Variants in EFCAB7 observed in about 807,000 individuals in gnomAD.
The protein encoded by EFCAB7 is EF-hand calcium binding domain 7.
Under a neutral mutation model 77.1 loss-of-function variants are expected in EFCAB7, and 66 were observed. The ratio of observed to expected loss-of-function variants is 0.86; its 90% confidence interval spans 0.70 to 1.05. EFCAB7 has a LOEUF of 1.05. Ranked by LOEUF, EFCAB7 falls within the 50% of genes least tolerant of loss-of-function variation. The pLI, the probability that EFCAB7 is intolerant of heterozygous loss-of-function variation, is 0.00. For missense variants in EFCAB7, 638 were observed against 730.5 expected (o/e 0.87, Z 1.46); for synonymous variants, 225 against 243.3 (o/e 0.92, Z 0.70).
chr1:63,583,181 GCAC>G, the EFCAB7 span, among the ~76,000 whole-genome samples: 1 of 152,152 alleles, frequency 6.6e-6, no homozygotes, highest in Non-Finnish European at 1.5e-5. Flanking sequence ...AGGGAAGCAA[GCAC>G]CAGGATTTAA....
At chr1:63,537,620 G>A (rs1057363315) in intron 6 of EFCAB7, among the ~76,000 whole-genome samples, 6 of 152,138 alleles carry the variant, frequency 3.9e-5, no homozygotes, top group African/African-American at 1.2e-4. Context: ...CTGTCAATTA[G>A]ATTTCAGGCC....
chr1:63,553,022 A>T (rs578219073), intron 8 of EFCAB7, among the ~76,000 whole-genome samples: 2 of 152,222 alleles, frequency 1.3e-5, no homozygotes, highest in Non-Finnish European at 2.9e-5. Context: ...CAAAATTATA[A>T]TAGAGTTTGC....
Position 63,564,420 on chromosome 1 carries a change from T to C in EFCAB7, c.1497+2563T>C, listed in dbSNP as rs1405157131. Among the ~76,000 whole-genome samples, 3 of 151,678 alleles carry C rather than the reference T, an allele frequency of 2.0e-5. No homozygotes were observed. In the East Asian group the frequency reaches 5.8e-4, roughly 29 times the overall value. ...TAGTATTCCTATACACCAACAATAG[T>C]CAAGTCAAGAGCCAATTCACGAAAG... On this transcript the variant is annotated intron_variant, in intron 11 of 13. Coordinates refer to ENST00000371088, the MANE Select transcript of EFCAB7 (RefSeq NM_032437.4).
chr1:63,551,702 TG>T, intron 7 of EFCAB7, 22 bp from the exon 8 acceptor site: 1 of 1,343,876 alleles, frequency 7.4e-7, no homozygotes. Context: ...TTAAGGTGTT[TG>T]GGCTTTTTTT....
chr1:63,538,347 C>A (rs1412059395), intron 6 of EFCAB7, among the ~76,000 whole-genome samples: 1 of 152,110 alleles, frequency 6.6e-6, no homozygotes, highest in East Asian at 1.9e-4. Flanking sequence ...ATGAGCCAGC[C>A]AATTTGTCAG....
rs1646847181 is a variant in EFCAB7 at position 63,542,898 on chromosome 1, TTTCATGAA to T, written c.805-3015_805-3008del. Among the ~76,000 whole-genome samples, 27 of 152,332 alleles carry T rather than the reference TTTCATGAA, an allele frequency of 1.8e-4. 1 individual carries two copies. In the South Asian group the frequency reaches 5.6e-3, roughly 32 times the overall value. On this transcript the variant is annotated intron_variant, in intron 6 of 13. Coordinates refer to ENST00000371088, the MANE Select transcript of EFCAB7 (RefSeq NM_032437.4). ...TGTGATTTGCAAATAATTTCTCCCATTTCATGAATTGCCTTTTCATTCTGTTGGTAGTG... is the reference window on the plus strand; with the variant it reads ...TGTGATTTGCAAATAATTTCTCCCATTTGCCTTTTCATTCTGTTGGTAGTG...
the EFCAB7 span, among the ~76,000 whole-genome samples, chr1:63,579,320 T>C: frequency 6.6e-6 from 1 of 152,258 alleles, no homozygotes; most frequent in Admixed American, 6.5e-5. Context: ...AATCATGCAG[T>C]ATGTAACCTT....
chr1:63,568,491 C>T lies in EFCAB7; in HGVS notation c.1679C>T (p.Thr560Ile), dbSNP rs1024458014. The T allele has an allele frequency of 7.5e-6, 12 of 1,598,338 alleles. No homozygotes were observed. The Middle Eastern group carries it at 5.0e-4, about 67-fold the overall frequency. Residue 560 changes from threonine (T) to isoleucine (I), a missense_variant, in exon 12 of 14, where the codon ACC (threonine) becomes ATC (isoleucine). Physicochemically the swap from Thr to Ile is moderately conservative, Grantham distance 89 (BLOSUM62 -1). Coordinates refer to ENST00000371088, the MANE Select transcript of EFCAB7 (RefSeq NM_032437.4). ...NIIVHTYSCD[T>I]WITSVIENKS... is the part of the protein sequence containing the mutation. ...ATCGTGCATACTTACAGTTGTGACA[C>T]CTGGATAACGTCAGTTATTGAAAAC...
chr1:63,579,818 A>G, the EFCAB7 span, among the ~76,000 whole-genome samples: 1 of 152,206 alleles, frequency 6.6e-6, no homozygotes, highest in Non-Finnish European at 1.5e-5. Flanking sequence ...ACAACTTTTC[A>G]TAGGCTTGTC....
chr1:63,574,510 T>A (rs996827835), downstream of EFCAB7, among the ~76,000 whole-genome samples: 1 of 152,140 alleles, frequency 6.6e-6, no homozygotes, highest in Admixed American at 6.5e-5. Context: ...GAACACTAGC[T>A]GCTTTTTTTA....
intron 11 of EFCAB7, among the ~76,000 whole-genome samples, chr1:63,568,063 A>G (rs1570443209): frequency 6.6e-6 from 1 of 152,158 alleles, no homozygotes; most frequent in Non-Finnish European, 1.5e-5. Flanking sequence ...AGAAGGTGGT[A>G]TATTACTGAT....
At chr1:63,583,498 G>A in the EFCAB7 span, among the ~76,000 whole-genome samples, 1 of 152,016 alleles carries the variant, frequency 6.6e-6, no homozygotes, top group African/African-American at 2.4e-5. Context: ...CTGGCCACAC[G>A]GAACCCCATG....
intron 7 of EFCAB7, chr1:63,550,300 C>T (rs564280968): frequency 6.6e-6 from 1 of 152,142 alleles, no homozygotes; most frequent in Non-Finnish European, 1.5e-5. Context: ...GGAGTGCTTA[C>T]ACTTATGGAG....
At chr1:63,554,998 C>T (rs1439015418) in intron 8 of EFCAB7, 2 of 154,932 alleles carry the variant, frequency 1.3e-5, no homozygotes, top group Admixed American at 6.5e-5. Context: ...TCAGTATTTG[C>T]ATTAAAAAAT....
intron 6 of EFCAB7, among the ~76,000 whole-genome samples, chr1:63,542,233 A>G (rs562189510): frequency 4.5e-4 from 68 of 152,312 alleles, no homozygotes; most frequent in Non-Finnish European, 7.8e-4. Context: ...GGCTGATTTC[A>G]CTTAGCATAA....
chr1:63,538,314 T>C (rs1172046442), intron 6 of EFCAB7, among the ~76,000 whole-genome samples: 3 of 152,216 alleles, frequency 2.0e-5, no homozygotes, highest in Non-Finnish European at 4.4e-5. Flanking sequence ...TAATCTATAA[T>C]CCTTTCAAAC....
At chr1:63,567,465 A>C (rs964649141) in intron 11 of EFCAB7, among the ~76,000 whole-genome samples, 1 of 152,108 alleles carries the variant, frequency 6.6e-6, no homozygotes, top group South Asian at 2.1e-4. Context: ...AAAAAAAAAA[A>C]ATTATTTCAA....
At chr1:63,573,104 C>T (rs1236653476), downstream of EFCAB7, among the ~76,000 whole-genome samples, 1 of 152,088 alleles carries the variant, frequency 6.6e-6, no homozygotes, top group Non-Finnish European at 1.5e-5. Context: ...CCTGACATTC[C>T]TGTCTTCTTA....
At chr1:63,526,031 G>T (rs1222721876) in intron 2 of EFCAB7, among the ~76,000 whole-genome samples, 1 of 151,824 alleles carries the variant, frequency 6.6e-6, no homozygotes, top group East Asian at 1.9e-4. Flanking sequence ...TCTCATTTTG[G>T]TGCTTTAAGA....
Sources: allele counts gnomAD v4.1 joint callset (sites outside exome capture counted in the v4.1 genomes callset), GRCh38; gene constraint gnomAD v4.1.1; transcripts MANE v1.5; gene names NCBI Gene and HGNC (gene_info 2026-07-23, HGNC 2026-07-21).